MYO5A: variants seen among roughly 807,000 people sequenced by gnomAD.
MYO5A encodes the protein myosin VA, also known as unconventional myosin-Va.
Under a neutral mutation model 249.7 loss-of-function variants are expected in MYO5A, and 98 were observed. The observed-to-expected ratio is 0.39, with a 90% CI of 0.33 to 0.46. MYO5A has a LOEUF of 0.46. MYO5A is among the 20% of genes least tolerant of loss of function. The probability of loss-of-function intolerance (pLI) is 0.98; values close to 1 mark genes in which losing one functional copy is unlikely to be tolerated. For synonymous variants in MYO5A, 778 were observed against 810.6 expected (o/e 0.96, Z 0.68); for missense variants, 1,696 against 2,308.8 (o/e 0.73, Z 5.44).
chr15:52,405,043 T>TCG (rs2042938053), intron 9 of MYO5A, among the ~76,000 whole-genome samples: 2 of 96,452 alleles, frequency 2.1e-5, no homozygotes, highest in African/African-American at 7.1e-5. Context: ...TCTTTCTCTC[T>TCG]CTCTCTGTCA....
chr15:52,508,550 T>C (rs1385243145), intron 1 of MYO5A, among the ~76,000 whole-genome samples: 1 of 152,174 alleles, frequency 6.6e-6, no homozygotes, highest in Non-Finnish European at 1.5e-5. Flanking sequence ...GCTACCTCCA[T>C]AGCACACTGG....
chr15:52,362,511 A>G (rs1381723384), intron 24 of MYO5A, among the ~76,000 whole-genome samples: 1 of 152,208 alleles, frequency 6.6e-6, no homozygotes, highest in Non-Finnish European at 1.5e-5. Context: ...CATCTTGATT[A>G]TATCTGGAGC....
At position 52,340,283 on chromosome 15, in the gene MYO5A, C is replaced by T; in HGVS notation, c.4152G>A (p.Leu1384=). Residue 1384 remains leucine, a synonymous_variant, in exon 32 of 42, where the codon CTG becomes CTA. Transcript: ENST00000399233. ...GGGGCAGCTGCAGGTTCTGGGCCAGCAGCTGCTGCTGTCGGTTGTTCTCCT... is the reference window on the plus strand; with the variant it reads ...GGGGCAGCTGCAGGTTCTGGGCCAGTAGCTGCTGCTGTCGGTTGTTCTCCT... The part of the protein sequence containing the change: ...LKEENNRQQQ[L]LAQNLQLPPE... 1 of 1,614,056 alleles carries T rather than the reference C, an allele frequency of 6.2e-7. No individual in the cohort carries two copies. The highest frequency in any genetic ancestry group is 8.5e-7 in the Non-Finnish European group (1 of 1,180,028).
At chr15:52,467,147 G>A (rs980039585) in intron 1 of MYO5A, among the ~76,000 whole-genome samples, 1 of 152,112 alleles carries the variant, frequency 6.6e-6, no homozygotes, top group Non-Finnish European at 1.5e-5. Flanking sequence ...CGCCCTCAAA[G>A]GAACAAAATA....
At chr15:52,357,418 T>C (rs1596337175) in intron 25 of MYO5A, among the ~76,000 whole-genome samples, 1 of 134,734 alleles carries the variant, frequency 7.4e-6, no homozygotes, top group African/African-American at 2.9e-5. Flanking sequence ...ATCCTCTTAT[T>C]AAAATGGGAT....
chr15:52,501,926 T>C (rs1245807073), intron 1 of MYO5A, among the ~76,000 whole-genome samples: 1 of 151,908 alleles, frequency 6.6e-6, no homozygotes, highest in Non-Finnish European at 1.5e-5. Flanking sequence ...TTTACTTTTC[T>C]CTATTTAACA....
chr15:52,378,511 GTC>G lies in MYO5A; in HGVS notation c.2208+1112_2208+1113del, dbSNP rs2041549964. Among the ~76,000 whole-genome samples, 4 of 3,592 alleles carry G rather than the reference GTC, an allele frequency of 1.1e-3. No homozygotes were observed. In the East Asian group the frequency reaches 0.17, roughly 150 times the overall value. The allele number at this position is 3,592 out of a possible 152,430, so 2.4% of individuals were successfully genotyped here. On this transcript the variant is annotated intron_variant, in intron 18 of 41. Transcript: ENST00000399233. ...CCAGCCTGGGTGAAAGAGCAAGACT[GTC>G]TCAAAAAAAAAAAAAAAAGAAGGGA...
chr15:52,473,823 T>C (rs1349688571), intron 1 of MYO5A, among the ~76,000 whole-genome samples: 1 of 152,200 alleles, frequency 6.6e-6, no homozygotes, highest in Admixed American at 6.5e-5. Flanking sequence ...AGTCAGGTAG[T>C]GTGATGCCTC....
chr15:52,368,675 T>C (rs1029117947), intron 22 of MYO5A, among the ~76,000 whole-genome samples: 1 of 152,090 alleles, frequency 6.6e-6, no homozygotes, highest in Non-Finnish European at 1.5e-5. Flanking sequence ...GAGACCAATG[T>C]GGGAAAACAG....
Position 52,353,399 on chromosome 15 carries a change from G to A in MYO5A, c.3621+206C>T, listed in dbSNP as rs78798381. Among the ~76,000 whole-genome samples, 1,251 of 152,272 alleles carry A rather than the reference G, an allele frequency of 8.2e-3. 16 individuals are homozygous for A. Among genetic ancestry groups the A allele is most frequent in the African/African-American group, 0.027 (1,135 of 41,532 alleles). On this transcript the variant is annotated intron_variant, in intron 27 of 41. Coordinates refer to ENST00000399233, the MANE Select transcript of MYO5A (RefSeq NM_001382347.1). ...GCCTCGAACAGCAGCTACTTCTCCT[G>A]TTCCTGTTAAGACTAAAGTCTAGCT...
intron 23 of MYO5A, among the ~76,000 whole-genome samples, chr15:52,366,000 A>C (rs2040787717): frequency 6.6e-6 from 1 of 151,950 alleles, no homozygotes; most frequent in South Asian, 2.1e-4. Flanking sequence ...CTCATCCCTT[A>C]GTATGGTCAT....
chr15:52,321,792 T>TAAAAAAAAAAAAA, intron 37 of MYO5A, among the ~76,000 whole-genome samples: 1 of 92,842 alleles, frequency 1.1e-5, no homozygotes, highest in Non-Finnish European at 2.2e-5. Flanking sequence ...GGAACTTAAC[T>TAAAAAAAAAAAAA]AAAAAAAAAA....
chr15:52,384,383 CA>C, intron 14 of MYO5A, 61 bp from the exon 15 acceptor site: 2 of 1,506,184 alleles, frequency 1.3e-6, no homozygotes, highest in South Asian at 2.3e-5. Context: ...CAAACCTTCA[CA>C]AAAGAAATAT....
At chr15:52,425,497 T>C (rs774087633) in intron 4 of MYO5A, among the ~76,000 whole-genome samples, 15 of 152,100 alleles carry the variant, frequency 9.9e-5, no homozygotes, top group Admixed American at 2.0e-4. Context: ...GTAGCTGGGA[T>C]TACAAGTGCG....
chr15:52,321,021 A>G (rs1452969882), intron 38 of MYO5A, among the ~76,000 whole-genome samples: 1 of 152,160 alleles, frequency 6.6e-6, no homozygotes, highest in Non-Finnish European at 1.5e-5. Context: ...TCAAAAAAAA[A>G]AAAAAGGGAG....
At chr15:52,459,931 G>C (rs1196379714) in intron 1 of MYO5A, among the ~76,000 whole-genome samples, 1 of 151,414 alleles carries the variant, frequency 6.6e-6, no homozygotes, top group Non-Finnish European at 1.5e-5. Context: ...CTTCTCAGAC[G>C]GGGCGGCCGG....
At chr15:52,440,272 CTT>C (rs202124249) in intron 1 of MYO5A, among the ~76,000 whole-genome samples, 1 of 145,634 alleles carries the variant, frequency 6.9e-6, no homozygotes, top group African/African-American at 2.5e-5. Flanking sequence ...TTTTCTTTTT[CTT>C]TTTTTTTTTC....
At chr15:52,440,079 T>A (rs1465296884) in intron 1 of MYO5A, among the ~76,000 whole-genome samples, 1 of 152,132 alleles carries the variant, frequency 6.6e-6, no homozygotes, top group Non-Finnish European at 1.5e-5. Context: ...CTGGCAGCAA[T>A]GAGGTAATTT....
At chr15:52,351,550 C>A in intron 27 of MYO5A, 69 bp from the exon 28 acceptor site, 2 of 1,422,434 alleles carry the variant, frequency 1.4e-6, no homozygotes, top group Non-Finnish European at 2.0e-6. Context: ...TCAAACTTCT[C>A]CCAAGCTGGT....
Sources: gnomAD v4.1 joint callset for allele counts (sites outside exome capture counted in the v4.1 genomes callset) on GRCh38, gnomAD v4.1.1 for gene constraint, MANE v1.5 for transcripts, NCBI Gene and HGNC (gene_info 2026-07-23, HGNC 2026-07-21) for gene names.